Variants in ALG11 observed in about 807,000 individuals in gnomAD.
The protein encoded by ALG11 is GDP-Man:Man(3)GlcNAc(2)-PP-Dol alpha-1,2-mannosyltransferase.
ALG11 carries 26 observed loss-of-function variants against 38.8 expected under a neutral mutation model. That is an observed-to-expected ratio of 0.67 (90% confidence interval 0.49 to 0.93). The LOEUF (loss-of-function observed/expected upper bound fraction) is 0.93. Among genes scored for constraint, ALG11 ranks in the 40% least tolerant of loss-of-function variants. The probability of loss-of-function intolerance (pLI) is 0.00; values close to 1 mark genes in which losing one functional copy is unlikely to be tolerated. For missense variants in ALG11, 535 were observed against 578.8 expected (o/e 0.92, Z 0.78); for synonymous variants, 199 against 211.6 (o/e 0.94, Z 0.52).
Position 52,030,643 on chromosome 13 carries a change from A to G in ALG11, c.*2053A>G. 1 of 1,614,200 alleles carries G rather than the reference A, an allele frequency of 6.2e-7. No individual in the cohort carries two copies. Among genetic ancestry groups the G allele is most frequent in the Non-Finnish European group, 8.5e-7 (1 of 1,180,028 alleles). On this transcript the variant is annotated 3_prime_UTR_variant, in exon 4 of 4. Transcript: ENST00000521508. ...GAGATTTCTTGAAAGAGAAGAGGGA[A>G]GCTGTGGAGGCGAGTAAGCCAAAGG...
At position 52,029,625 on chromosome 13, in the gene ALG11, A is replaced by G. The variant is rs1248963916; in HGVS notation, c.*1035A>G. The G allele has an allele frequency of 1.2e-6, 2 of 1,614,250 alleles. No homozygotes were observed. Among genetic ancestry groups the G allele is most frequent in the South Asian group, 2.2e-5 (2 of 91,086 alleles). On this transcript the variant is annotated 3_prime_UTR_variant, in exon 4 of 4. Transcript: ENST00000521508. ...GAGTTTGAGCAGCTACAGAAGGTTA[A>G]TCCAACTGTGGCACTGGAAGAAATG... is the stretch of plus-strand genomic sequence containing the variant.
chr13:52,019,526 T>C (rs942387821), intron 2 of ALG11, among the ~76,000 whole-genome samples: 3 of 152,202 alleles, frequency 2.0e-5, no homozygotes, highest in Admixed American at 2.0e-4. Flanking sequence ...CGGCCTCATC[T>C]TTCTAAAGTA....
Position 52,032,392 on chromosome 13 carries a change from T to A in ALG11, c.*3802T>A. ...AATTTAATGCACCTTCTATCCTGAA[T>A]AACTAGCATGGAAAAGTGAATATAT... is the stretch of plus-strand genomic sequence containing the variant. On this transcript the variant is annotated 3_prime_UTR_variant, in exon 4 of 4. Transcript: ENST00000521508. 1 of 167,216 alleles carries A rather than the reference T, an allele frequency of 6.0e-6. No homozygotes were observed. The allele number at this position is 167,216 out of a possible 1,614,324, so 10.4% of individuals were successfully genotyped here. A position where few individuals can be genotyped will look rare whatever the true frequency, so the allele number is the denominator to read the frequency against.
rs746491739 is a variant in ALG11 at position 52,030,691 on chromosome 13, C to T, written c.*2101C>T. ...AGGACGTGGACCTGACACTACCTGG[C>T]TGGGGCGAGTGGGGTGGTGTGGGCC... On this transcript the variant is annotated 3_prime_UTR_variant, in exon 4 of 4. Coordinates refer to ENST00000521508, the MANE Select transcript of ALG11 (RefSeq NM_001004127.3). The T allele has an allele frequency of 5.0e-6, 8 of 1,614,204 alleles. No individual in the cohort carries two copies. The East Asian group carries it at 1.8e-4, about 36-fold the overall frequency.
rs530974224 is a variant in ALG11, at chr13:52,030,806, A to G, written c.*2216A>G. The G allele has an allele frequency of 2.8e-5, 46 of 1,614,240 alleles. 2 individuals are homozygous for G. In the African/African-American group the frequency reaches 2.9e-4, roughly 10 times the overall value. On this transcript the variant is annotated 3_prime_UTR_variant, in exon 4 of 4. Transcript: ENST00000521508. Reference sequence around the variant, plus strand: ...AGATAAGAATTTGCCAAATGTGATTATCAGTGAGAAGCGCAACATCCACGC... The same window carrying G: ...AGATAAGAATTTGCCAAATGTGATTGTCAGTGAGAAGCGCAACATCCACGC...
At chr13:52,015,936 G>T (rs1201958393) in intron 1 of ALG11, 1 of 152,168 alleles carries the variant, frequency 6.6e-6, no homozygotes, top group Non-Finnish European at 1.5e-5. Context: ...GGAGGGCTCA[G>T]AAGAAGCCAG....
In ALG11 at chr13:52,029,489, G is replaced by T. The variant is rs772114734; in HGVS notation, c.*899G>T. 4 of 1,614,192 alleles carry T rather than the reference G, an allele frequency of 2.5e-6. No homozygotes were observed. The East Asian group carries it at 8.9e-5, about 36-fold the overall frequency. On this transcript the variant is annotated 3_prime_UTR_variant, in exon 4 of 4. Coordinates refer to ENST00000521508, the MANE Select transcript of ALG11 (RefSeq NM_001004127.3). ...GATGCACCGAGCAGAGCTTCAGAGG[G>T]CTCGGGCTCTGCAGTCCTACTATGA...
At chr13:52,022,458 A>G (rs971524723) in intron 2 of ALG11, 13 of 152,240 alleles carry the variant, frequency 8.5e-5, no homozygotes, top group African/African-American at 3.1e-4. Context: ...TAAAAGGCTC[A>G]TTCTTGCTGC....
In ALG11 at chr13:52,030,798, A is replaced by G. The variant is rs1189633328; in HGVS notation, c.*2208A>G. ...CCAAGAAAAGATAAGAATTTGCCAA[A>G]TGTGATTATCAGTGAGAAGCGCAAC... is the stretch of plus-strand genomic sequence containing the variant. On this transcript the variant is annotated 3_prime_UTR_variant, in exon 4 of 4. Transcript: ENST00000521508. The G allele has an allele frequency of 1.2e-6, 2 of 1,614,204 alleles. No individual in the cohort carries two copies. Among genetic ancestry groups the G allele is most frequent in the Non-Finnish European group, 1.7e-6 (2 of 1,180,034 alleles).
intron 2 of ALG11, 37 bp from the exon 3 acceptor site, chr13:52,023,969 A>C (rs763696693): frequency 6.2e-7 from 1 of 1,602,840 alleles, no homozygotes; most frequent in Admixed American, 1.7e-5. Context: ...TAATTTTTGT[A>C]ACTTAATATA....
In ALG11 at chr13:52,032,479, C is replaced by G. The variant is rs1002042673; in HGVS notation, c.*3889C>G. 2.4e-5 allele frequency: 4 copies of G among 167,048 alleles called. No homozygotes were observed. Among genetic ancestry groups the G allele is most frequent in the African/African-American group, 9.7e-5 (4 of 41,444 alleles). The allele number at this position is 167,048 out of a possible 1,614,324, so 10.3% of individuals were successfully genotyped here. On this transcript the variant is annotated 3_prime_UTR_variant, in exon 4 of 4. Transcript: ENST00000521508. The stretch of plus-strand genomic sequence containing the variant: ...TGCACTTTATGCATATATAATCAAT[C>G]CTTTCTAGTTCAGTGAATTGACCCC...
At position 52,030,927 on chromosome 13, in the gene ALG11, C is replaced by G. The variant is rs751435110; in HGVS notation, c.*2337C>G. ...ACCCCTATAGGATCCACATGGAACA[C>G]CCAGAGGGCTTTCCAAAAGCTGACT... is the stretch of plus-strand genomic sequence containing the variant. On this transcript the variant is annotated 3_prime_UTR_variant, in exon 4 of 4. Transcript: ENST00000521508. The G allele has an allele frequency of 6.2e-7, 1 of 1,614,176 alleles. No homozygotes were observed. Among genetic ancestry groups the G allele is most frequent in the South Asian group, 1.1e-5 (1 of 91,080 alleles).
At chr13:52,023,081 G>C (rs1450900121) in intron 2 of ALG11, 4 of 152,176 alleles carry the variant, frequency 2.6e-5, no homozygotes, top group African/African-American at 9.7e-5. Flanking sequence ...TGTGATATAG[G>C]CACAAGATCT....
chr13:52,014,600 T>C (rs1954119014), intron 1 of ALG11, among the ~76,000 whole-genome samples: 1 of 151,804 alleles, frequency 6.6e-6, no homozygotes, highest in African/African-American at 2.4e-5. Context: ...AGTGGCATGA[T>C]CATAGCTTAC....
At chr13:52,028,236 T>G (rs527534411) in intron 3 of ALG11, 83 bp from the exon 4 acceptor site, 10 of 1,550,776 alleles carry the variant, frequency 6.4e-6, no homozygotes, top group Non-Finnish European at 8.8e-6. Context: ...CCCTTAAATT[T>G]TTTGAAGATT....
chr13:52,030,608 G>A lies in ALG11; in HGVS notation c.*2018G>A. ...GATAAAGGAAGCTTTTGCTGGGGAT[G>A]ATGTCATCAGAGATTTCTTGAAAGA... is the stretch of plus-strand genomic sequence containing the variant. On this transcript the variant is annotated 3_prime_UTR_variant, in exon 4 of 4. Transcript: ENST00000521508. 6.2e-7 allele frequency: 1 copy of A among 1,614,202 alleles called. No homozygotes were observed. Among genetic ancestry groups the A allele is most frequent in the Admixed American group, 1.7e-5 (1 of 60,026 alleles).
intron 1 of ALG11, chr13:52,016,244 G>A (rs1391787753): frequency 6.6e-6 from 1 of 152,210 alleles, no homozygotes; most frequent in Non-Finnish European, 1.5e-5. Flanking sequence ...GCTCTTAAAA[G>A]CATTCCATTT....
intron 1 of ALG11, 109 bp downstream of exon 1, chr13:52,012,571 T>C (rs756588227): frequency 5.4e-5 from 78 of 1,454,588 alleles, no homozygotes; most frequent in Non-Finnish European, 7.4e-5. Context: ...GTCATGAATC[T>C]AAGGTAATTT....
intron 3 of ALG11, 60 bp from the exon 4 acceptor site, chr13:52,028,259 C>T: frequency 6.2e-7 from 1 of 1,600,394 alleles, no homozygotes; most frequent in South Asian, 1.1e-5. Flanking sequence ...TATTCATCCT[C>T]ATTCTTATGA....
Sources: allele counts gnomAD v4.1 joint callset (sites outside exome capture counted in the v4.1 genomes callset), GRCh38; gene constraint gnomAD v4.1.1; transcripts MANE v1.5; gene names NCBI Gene and HGNC (gene_info 2026-07-23, HGNC 2026-07-21).